MED13: variants seen among roughly 807,000 people sequenced by gnomAD.
MED13 encodes mediator of RNA polymerase II transcription subunit 13.
MED13 carries 23 observed loss-of-function variants against 225.2 expected under a neutral mutation model. The observed-to-expected ratio is 0.10, with a 90% CI of 0.07 to 0.14. MED13 has a LOEUF of 0.14. Among genes scored for constraint, MED13 ranks in the 10% least tolerant of loss-of-function variants. The probability of loss-of-function intolerance (pLI) is 1.00; values close to 1 mark genes in which losing one functional copy is unlikely to be tolerated. For missense variants in MED13, 2,197 were observed against 2,594.5 expected, an observed-to-expected ratio of 0.85 and a Z score of 3.33; for synonymous variants, 942 against 889.2, an observed-to-expected ratio of 1.06 and a Z score of -1.06.
At chr17:62,033,733 C>G (rs1050492552) in intron 5 of MED13, 54 bp downstream of exon 5, 1 of 1,529,262 alleles carries the variant, frequency 6.5e-7, no homozygotes, top group African/African-American at 1.4e-5. Flanking sequence ...CAAAATATAA[C>G]TAACACATAC....
At chr17:61,987,830 T>C (rs1164285354) in intron 11 of MED13, among the ~76,000 whole-genome samples, 2 of 152,076 alleles carry the variant, frequency 1.3e-5, no homozygotes, top group Non-Finnish European at 2.9e-5. Context: ...CACCTCACTG[T>C]AGCCTTGACC....
At chr17:61,988,221 A>C (rs1463074554) in intron 11 of MED13, among the ~76,000 whole-genome samples, 1 of 152,184 alleles carries the variant, frequency 6.6e-6, no homozygotes, top group Non-Finnish European at 1.5e-5. Flanking sequence ...GAATGTTGGT[A>C]ATGTGCTTCG....
intron 1 of MED13, among the ~76,000 whole-genome samples, chr17:62,063,631 C>T (rs778243833): frequency 6.6e-6 from 1 of 152,192 alleles, no homozygotes; most frequent in Non-Finnish European, 1.5e-5. Context: ...TAACTGGTCA[C>T]ATTTGTTCAC....
intron 9 of MED13, among the ~76,000 whole-genome samples, chr17:62,002,041 T>C (rs375378920): frequency 6.6e-6 from 1 of 152,116 alleles, no homozygotes; most frequent in African/African-American, 2.4e-5. Context: ...TAATAGATAT[T>C]TACAATGACT....
At chr17:61,952,100 A>T (rs1020768224) in intron 27 of MED13, among the ~76,000 whole-genome samples, 1 of 151,974 alleles carries the variant, frequency 6.6e-6, no homozygotes, top group African/African-American at 2.4e-5. Context: ...TCACTGTGTT[A>T]GCCAGGATGG....
Position 62,058,642 on chromosome 17 carries a change from T to C in MED13, c.301+4425A>G, listed in dbSNP as rs528461809. On this transcript the variant is annotated intron_variant, in intron 2 of 29. Transcript: ENST00000397786. ...ACCCCGATTCAACTAATCATTATCC[T>C]ATAGAGGATAAAGCAAAAAGTAAGA... 5.5e-4 allele frequency among the ~76,000 whole-genome samples: 84 copies of C among 152,146 alleles called. 2 individuals carry two copies. In the South Asian group the frequency reaches 0.016, roughly 29 times the overall value.
At chr17:62,007,446 A>G (rs1347496015) in intron 9 of MED13, 1 of 152,248 alleles carries the variant, frequency 6.6e-6, no homozygotes, top group Non-Finnish European at 1.5e-5. Flanking sequence ...ATCCCCTGAG[A>G]AAACAGAGCA....
intron 9 of MED13, among the ~76,000 whole-genome samples, chr17:61,995,579 C>A (rs1443883352): frequency 6.6e-6 from 1 of 152,150 alleles, no homozygotes; most frequent in Non-Finnish European, 1.5e-5. Context: ...AGTTTCCTAA[C>A]TATATGATCT....
chr17:61,990,650 T>TATATATATATATATATATATATAC (rs1491124278), intron 11 of MED13, among the ~76,000 whole-genome samples: 23 of 141,166 alleles, frequency 1.6e-4, no homozygotes, highest in African/African-American at 6.2e-4. Context: ...TATATATATA[T>TATATATATATATATATATATATAC]ACACACTCCC....
At position 62,010,930 on chromosome 17, in the gene MED13, A is replaced by C; in HGVS notation, c.1587T>G (p.Asn529Lys). 6.2e-7 allele frequency: 1 copy of C among 1,612,540 alleles called. No individual in the cohort carries two copies. Among genetic ancestry groups the C allele is most frequent in the Non-Finnish European group, 8.5e-7 (1 of 1,178,684 alleles). The change falls in exon 9 of 30, where the codon AAT (asparagine) becomes AAG (lysine). Residue 529 changes from asparagine (N) to lysine (K), a missense_variant. Asn to Lys is a moderately conservative substitution (Grantham distance 94). Coordinates refer to ENST00000397786, the MANE Select transcript of MED13 (RefSeq NM_005121.3). The part of the protein sequence containing the change: ...TPQMHGTEMA[N>K]SPQPPPLSPH... Reference sequence around the variant, plus strand: ...GACTAAGTGGGGGTGGTTGAGGTGAATTTGCCATTTCGGTGCCATGCATCT... The same window carrying C: ...GACTAAGTGGGGGTGGTTGAGGTGACTTTGCCATTTCGGTGCCATGCATCT...
chr17:62,029,318 C>A, intron 8 of MED13: 1 of 525,188 alleles, frequency 1.9e-6, no homozygotes, highest in South Asian at 3.1e-5. Context: ...GGAAACAAAA[C>A]TTTCAGAGTC....
chr17:62,034,306 G>A (rs2080783206), intron 4 of MED13, among the ~76,000 whole-genome samples: 1 of 151,844 alleles, frequency 6.6e-6, no homozygotes, highest in South Asian at 2.1e-4. Flanking sequence ...TCAACATGGT[G>A]AAACCCTGTC....
intron 9 of MED13, chr17:62,007,209 C>A (rs1452686102): frequency 6.6e-6 from 1 of 152,164 alleles, no homozygotes; most frequent in Non-Finnish European, 1.5e-5. Flanking sequence ...CCACTGCACT[C>A]CAGCCTGGAC....
rs115430965 is a variant in MED13 at position 61,959,768 on chromosome 17, G to A, written c.5480+1099C>T. ...TTTTGAGACAGGGTCTTACTCTGTC[G>A]CCCACGTTAAAGTGCAGTGGTGCAA... On this transcript the variant is annotated intron_variant, in intron 23 of 29. Coordinates refer to ENST00000397786, the MANE Select transcript of MED13 (RefSeq NM_005121.3). Among the ~76,000 whole-genome samples the A allele has an allele frequency of 4.7e-3, 615 of 131,704 alleles. 5 individuals are homozygous for A. The highest frequency in any genetic ancestry group is 0.015 in the African/African-American group (511 of 34,166). The allele number at this position is 131,704 out of a possible 152,430, so 86.4% of individuals were successfully genotyped here. A position where few individuals can be genotyped will look rare whatever the true frequency, so the allele number is the denominator to read the frequency against.
intron 27 of MED13, 41 bp downstream of exon 27, chr17:61,952,924 T>C: frequency 6.3e-7 from 1 of 1,594,230 alleles, no homozygotes; most frequent in Non-Finnish European, 8.5e-7. Context: ...CGTAAGCCAC[T>C]GCGCCCGGCC....
In MED13 at chr17:61,982,399, G is replaced by T. The variant is rs753105765; in HGVS notation, c.3604C>A (p.Pro1202Thr). Residue 1202 changes from proline to threonine, a missense_variant, in exon 16 of 30, where the codon CCC (proline) becomes ACC (threonine). Physicochemically the swap from Pro to Thr is conservative, Grantham distance 38. Around this residue, in one of 12 missense-constraint regions of MED13, gnomAD observed 203 missense variants for 209.7 expected, o/e 0.97. Transcript: ENST00000397786. ...GGATCTTGGTCTGCTGCTCCAAAGG[G>T]TGAAAATAAATTAGTGCACTGATCT... ...LQDQCTNLFS[P>T]FGAADQDPFP... 6.2e-7 allele frequency: 1 copy of T among 1,614,146 alleles called. No homozygotes were observed. The highest frequency in any genetic ancestry group is 8.5e-7 in the Non-Finnish European group (1 of 1,180,032).
intron 10 of MED13, among the ~76,000 whole-genome samples, 194 bp from the exon 11 acceptor site, chr17:61,992,815 C>T (rs557007936): frequency 3.3e-5 from 5 of 151,544 alleles, no homozygotes; most frequent in African/African-American, 7.3e-5. Context: ...TATCACCAGG[C>T]TGTAGTACAG....
chr17:62,034,048 T>C, intron 4 of MED13, 64 bp from the exon 5 acceptor site: 2 of 1,383,474 alleles, frequency 1.4e-6, no homozygotes, highest in Middle Eastern at 1.9e-4. Context: ...AAGAACACAG[T>C]GAAAAATGTG....
chr17:61,989,642 T>C (rs1323914901), intron 11 of MED13, among the ~76,000 whole-genome samples: 5 of 152,200 alleles, frequency 3.3e-5, no homozygotes, highest in African/African-American at 1.2e-4. Flanking sequence ...CTGGCCTATT[T>C]ATTGTTTTTA....
Sources: allele counts gnomAD v4.1 joint callset (sites outside exome capture counted in the v4.1 genomes callset), GRCh38; gene constraint gnomAD v4.1.1; regional missense constraint gnomAD v4.1.1; transcripts MANE v1.5; gene names NCBI Gene and HGNC (gene_info 2026-07-23, HGNC 2026-07-21).